The following DOCK5 variants were observed in gnomAD, a reference collection of about 807,000 sequenced individuals.
DOCK5 encodes the protein dedicator of cytokinesis protein 5.
DOCK5 carries 142 observed loss-of-function variants against 251.8 expected under a neutral mutation model. The observed-to-expected ratio is 0.56, with a 90% confidence interval of 0.49 to 0.65. The LOEUF is 0.65. Among genes scored for constraint, DOCK5 ranks in the 30% least tolerant of loss-of-function variants. The probability of loss-of-function intolerance (pLI) is 0.00; values close to 1 mark genes in which losing one functional copy is unlikely to be tolerated. For missense variants in DOCK5, 2,111 were observed against 2,312.3 expected, an observed-to-expected ratio of 0.91 and a Z score of 1.79; for synonymous variants, 842 against 835.5, an observed-to-expected ratio of 1.01 and a Z score of -0.13.
At position 25,333,204 on chromosome 8, in the gene DOCK5, A is replaced by C. The variant is rs2468895; in HGVS notation, c.2091+512A>C. ...AGTGATATCAGAATCTGGGAAAGCC[A>C]GAGGTGAGGGTGGAGGGGAAGAAGC... On this transcript the variant is annotated intron_variant, in intron 20 of 51. Transcript: ENST00000276440. Among the ~76,000 whole-genome samples the C allele has an allele frequency of 1.3e-5, 2 of 152,134 alleles. 1 individual carries two copies. Among genetic ancestry groups the C allele is most frequent in the South Asian group, 4.1e-4 (2 of 4,830 alleles).
At chr8:25,383,841 C>G (rs1010781359) in intron 40 of DOCK5, among the ~76,000 whole-genome samples, 1 of 152,018 alleles carries the variant, frequency 6.6e-6, no homozygotes, top group South Asian at 2.1e-4. Flanking sequence ...GGTGACAGAG[C>G]GAGACTCCAT....
chr8:25,400,014 T>C lies in DOCK5; in HGVS notation c.4788+20T>C. On this transcript the variant is annotated intron_variant, in intron 46 of 51. Transcript: ENST00000276440. Reference sequence around the variant, plus strand: ...TTACAGGTACAGGACGGCTTTCCTCTACACTCCCAGGGAGGCCACAGTGTG... The same window carrying C: ...TTACAGGTACAGGACGGCTTTCCTCCACACTCCCAGGGAGGCCACAGTGTG... 1.2e-6 allele frequency: 2 copies of C among 1,606,834 alleles called. No individual in the cohort carries two copies. The highest frequency in any genetic ancestry group is 1.7e-6 in the Non-Finnish European group (2 of 1,174,410).
intron 27 of DOCK5, among the ~76,000 whole-genome samples, chr8:25,352,155 G>A (rs898853330): frequency 1.3e-5 from 2 of 150,182 alleles, no homozygotes; most frequent in African/African-American, 4.9e-5. Flanking sequence ...CGAGGCTGCA[G>A]TGAGCTGTGA....
At chr8:25,305,155 C>T (rs1224929459) in intron 11 of DOCK5, 1 of 152,248 alleles carries the variant, frequency 6.6e-6, no homozygotes, top group Non-Finnish European at 1.5e-5. Flanking sequence ...GGCATCATCT[C>T]AGCTCACTTG....
intron 2 of DOCK5, among the ~76,000 whole-genome samples, chr8:25,249,209 C>T (rs1803201918): frequency 6.6e-6 from 1 of 152,052 alleles, no homozygotes; most frequent in South Asian, 2.1e-4. Flanking sequence ...CTGTGTTGCC[C>T]TAGCTGGTCT....
chr8:25,291,759 G>A (rs60826069), intron 5 of DOCK5, among the ~76,000 whole-genome samples: 2,048 of 150,264 alleles, frequency 0.014, 48 homozygotes, highest in African/African-American at 0.046. Context: ...AGGCCGAGGC[G>A]GGTAGATCCA....
At chr8:25,186,808 G>C (rs1164148295) in intron 1 of DOCK5, among the ~76,000 whole-genome samples, 1 of 152,136 alleles carries the variant, frequency 6.6e-6, no homozygotes, top group Admixed American at 6.5e-5. Context: ...TTTCAAAAAT[G>C]TGGTTTTTAT....
intron 4 of DOCK5, among the ~76,000 whole-genome samples, chr8:25,278,018 G>C (rs898048458): frequency 6.6e-6 from 1 of 152,128 alleles, no homozygotes; most frequent in Non-Finnish European, 1.5e-5. Flanking sequence ...GAGTAAGCAA[G>C]GATTTTGTTA....
chr8:25,275,696 C>G (rs956835472), intron 4 of DOCK5, among the ~76,000 whole-genome samples: 1 of 152,024 alleles, frequency 6.6e-6, no homozygotes, highest in Admixed American at 6.6e-5. Flanking sequence ...GTTAGCTGGG[C>G]TTGGTGGTGG....
chr8:25,193,912 GTTCC>G (rs1210656536), intron 1 of DOCK5, among the ~76,000 whole-genome samples: 42 of 152,224 alleles, frequency 2.8e-4, no homozygotes, highest in African/African-American at 1.0e-3. Context: ...TGGTTTTAAG[GTTCC>G]ATGTATATTT....
intron 2 of DOCK5, among the ~76,000 whole-genome samples, chr8:25,247,610 A>G (rs1254236280): frequency 6.7e-6 from 1 of 148,510 alleles, no homozygotes. Flanking sequence ...GAAAAAAAAA[A>G]GTAATTTTAA....
At chr8:25,368,277 G>T in intron 32 of DOCK5, 27 bp downstream of exon 32, 1 of 1,597,830 alleles carries the variant, frequency 6.3e-7, no homozygotes, top group South Asian at 1.1e-5. Context: ...GAACAGGCCT[G>T]ATCACAACCT....
chr8:25,241,561 A>T (rs915740554), intron 1 of DOCK5, among the ~76,000 whole-genome samples: 2 of 152,198 alleles, frequency 1.3e-5, no homozygotes, highest in African/African-American at 2.4e-5. Context: ...TTGGGACTGT[A>T]AACTAGTTCA....
intron 41 of DOCK5, 136 bp from the exon 42 acceptor site, chr8:25,390,070 T>A: frequency 1.7e-6 from 1 of 578,736 alleles, no homozygotes; most frequent in Non-Finnish European, 2.9e-6. Flanking sequence ...ATTTTCAGTG[T>A]GGTCCTGGCA....
intron 34 of DOCK5, among the ~76,000 whole-genome samples, chr8:25,372,100 A>G (rs1443775274): frequency 6.6e-6 from 1 of 152,228 alleles, no homozygotes; most frequent in South Asian, 2.1e-4. Flanking sequence ...CATACGAGGC[A>G]TTCCAGAATG....
At position 25,408,868 on chromosome 8, in the gene DOCK5, C is replaced by G. The variant is rs771331937; in HGVS notation, c.5332C>G (p.His1778Asp). The change falls in exon 50 of 52, where the codon CAC becomes GAC. Residue 1778 changes from histidine (H) to aspartate (D), a missense_variant. Physicochemically the swap from His to Asp is moderately conservative, Grantham distance 81. Around this residue, in one of 3 missense-constraint regions of DOCK5, gnomAD observed 1,717 missense variants for 1,892.4 expected, o/e 0.91. Transcript: ENST00000276440. Reference protein sequence around the residue: ...QLMDNRLSPFHGSSPPQSTPL... With the variant: ...QLMDNRLSPFDGSSPPQSTPL... ...GATGGATAATCGGCTATCACCATTT[C>G]ACGGTTCTTCACCTCCTCAGTCAAC... 1 of 1,614,016 alleles carries G rather than the reference C, an allele frequency of 6.2e-7. No individual in the cohort carries two copies. Among genetic ancestry groups the G allele is most frequent in the Non-Finnish European group, 8.5e-7 (1 of 1,179,888 alleles).
intron 35 of DOCK5, 77 bp from the exon 36 acceptor site, chr8:25,373,541 A>G: frequency 7.3e-7 from 1 of 1,369,690 alleles, no homozygotes; most frequent in East Asian, 2.5e-5. Flanking sequence ...GAAAAGCAAC[A>G]ATAGTGGTTT....
At chr8:25,342,569 TC>T in intron 25 of DOCK5, 62 bp downstream of exon 25, 1 of 1,280,270 alleles carries the variant, frequency 7.8e-7, no homozygotes, top group Admixed American at 2.0e-5. Flanking sequence ...ACCATTGCAC[TC>T]CAGCCTGGGT....
At chr8:25,265,458 A>G (rs1347258854) in intron 2 of DOCK5, among the ~76,000 whole-genome samples, 1 of 151,872 alleles carries the variant, frequency 6.6e-6, no homozygotes, top group African/African-American at 2.4e-5. Context: ...CTTTGCCCAG[A>G]TCTGTTAATG....
Sources: allele counts gnomAD v4.1 joint callset (sites outside exome capture counted in the v4.1 genomes callset), GRCh38; gene constraint gnomAD v4.1.1; regional missense constraint gnomAD v4.1.1; transcripts MANE v1.5; gene names NCBI Gene and HGNC (gene_info 2026-07-23, HGNC 2026-07-21).